Variants in LYZL1 observed in about 807,000 individuals in gnomAD.
LYZL1 encodes lysozyme-like protein 1.
LYZL1 carries 16 observed loss-of-function variants against 17.9 expected under a neutral mutation model. The observed-to-expected ratio is 0.90, with a 90% CI of 0.61 to 1.36. LYZL1 has a LOEUF of 1.36. Ranked by LOEUF, LYZL1 falls within the 40% of genes most tolerant of loss-of-function variation. The pLI is 0.00. For missense variants in LYZL1, 149 were observed against 188.4 expected (o/e 0.79, Z 1.22); for synonymous variants, 58 against 71.8 (o/e 0.81, Z 0.97).
chr10:29,297,291 A>G (rs2132820692), intron 3 of LYZL1, among the ~76,000 whole-genome samples: 1 of 152,296 alleles, frequency 6.6e-6, no homozygotes, highest in South Asian at 2.1e-4. Context: ...ATATAAAAAT[A>G]CTTTTTAGCA....
downstream of LYZL1, chr10:29,311,332 T>C (rs976907556): frequency 4.0e-6 from 4 of 993,162 alleles, no homozygotes; most frequent in Non-Finnish European, 5.3e-6. Context: ...CCCTTCTTCA[T>C]TGTAGGGAGT....
chr10:29,318,208 C>G, exon 5 of LYZL1: 1 of 984,924 alleles, frequency 1.0e-6, no homozygotes, highest in Non-Finnish European at 1.2e-6. Flanking sequence ...AGCTAGATTT[C>G]CCTGCCTGCT....
chr10:29,310,111 C>A lies in LYZL1; in HGVS notation c.300C>A (p.Ala100=). 1 of 1,609,678 alleles carries A rather than the reference C, an allele frequency of 6.2e-7. No individual in the cohort carries two copies. ...ENNHCHVACS[A]LITDDLTDAI... ...CCTGATGTCTTCTCTCTTTTACAGC[C>A]TTGATCACTGATGACCTCACAGATG... The change falls in exon 4 of 5, where the codon GCC becomes GCA. Residue 100 remains alanine, a splice_region_variant and synonymous_variant. Transcript: ENST00000649382.
At chr10:29,299,988 A>G (rs1302432586) in intron 3 of LYZL1, among the ~76,000 whole-genome samples, 2 of 152,218 alleles carry the variant, frequency 1.3e-5, no homozygotes, top group Non-Finnish European at 2.9e-5. Context: ...TTTTGATTGC[A>G]ACTACTCAAC....
chr10:29,301,660 G>A (rs1486234434), intron 3 of LYZL1, among the ~76,000 whole-genome samples: 3 of 152,034 alleles, frequency 2.0e-5, no homozygotes, highest in Non-Finnish European at 2.9e-5. Context: ...TGTGATATTT[G>A]TGTTTATCTT....
At chr10:29,302,978 C>T (rs1835541810) in intron 3 of LYZL1, among the ~76,000 whole-genome samples, 1 of 152,180 alleles carries the variant, frequency 6.6e-6, no homozygotes, top group Admixed American at 6.5e-5. Flanking sequence ...CAAGGCATAA[C>T]TAAGCATCCA....
intron 3 of LYZL1, among the ~76,000 whole-genome samples, chr10:29,306,385 C>G (rs536382327): frequency 6.8e-6 from 1 of 147,242 alleles, no homozygotes; most frequent in Non-Finnish European, 1.5e-5. Flanking sequence ...CCCGCCTCTA[C>G]TAAAAATACA....
At chr10:29,302,385 C>A (rs904394708) in intron 3 of LYZL1, among the ~76,000 whole-genome samples, 3 of 151,736 alleles carry the variant, frequency 2.0e-5, no homozygotes, top group Non-Finnish European at 4.4e-5. Flanking sequence ...TCAGGGCAGG[C>A]TGCTCGTAAG....
intron 2 of LYZL1, among the ~76,000 whole-genome samples, 199 bp from the exon 3 acceptor site, chr10:29,292,320 G>C (rs1835379941): frequency 6.6e-6 from 1 of 151,656 alleles, no homozygotes. Context: ...CCCCTGACTG[G>C]GTGTACAGCT....
downstream of LYZL1, among the ~76,000 whole-genome samples, chr10:29,314,473 G>A (rs994862060): frequency 1.3e-5 from 2 of 152,150 alleles, no homozygotes; most frequent in South Asian, 2.1e-4. Flanking sequence ...GATTAGCTGC[G>A]TGTGGTGGTG....
At chr10:29,305,592 T>C (rs1293767131) in intron 3 of LYZL1, among the ~76,000 whole-genome samples, 2 of 152,238 alleles carry the variant, frequency 1.3e-5, no homozygotes, top group African/African-American at 2.4e-5. Flanking sequence ...GCTATTATTA[T>C]CTGAAATATT....
chr10:29,302,445 T>G (rs961759148), intron 3 of LYZL1, among the ~76,000 whole-genome samples: 4 of 152,186 alleles, frequency 2.6e-5, no homozygotes, highest in Admixed American at 6.5e-5. Context: ...AATGGAGTCT[T>G]CCATGATTAT....
intron 3 of LYZL1, among the ~76,000 whole-genome samples, chr10:29,305,717 C>T (rs1188777690): frequency 2.6e-5 from 4 of 152,214 alleles, no homozygotes; most frequent in African/African-American, 4.8e-5. Flanking sequence ...ATTGCTATCT[C>T]TTACTGATGA....
At chr10:29,305,074 T>C (rs1177077455) in intron 3 of LYZL1, among the ~76,000 whole-genome samples, 1 of 152,122 alleles carries the variant, frequency 6.6e-6, no homozygotes, top group East Asian at 1.9e-4. Context: ...TGTGATCTGC[T>C]TCCTCCTCAC....
chr10:29,298,428 T>A (rs2132821697), intron 3 of LYZL1, among the ~76,000 whole-genome samples: 1 of 152,242 alleles, frequency 6.6e-6, no homozygotes, highest in African/African-American at 2.4e-5. Flanking sequence ...TGCCTACTCT[T>A]ATTTAAACCC....
At chr10:29,294,132 G>A (rs1835415371) in intron 3 of LYZL1, among the ~76,000 whole-genome samples, 1 of 152,080 alleles carries the variant, frequency 6.6e-6, no homozygotes, top group African/African-American at 2.4e-5. Context: ...CTGTGGGAAG[G>A]TGTGAAGCAT....
chr10:29,294,713 G>A (rs10826595), intron 3 of LYZL1, among the ~76,000 whole-genome samples: 33,335 of 152,050 alleles, frequency 0.22, 3,699 homozygotes, highest in Admixed American at 0.29. Flanking sequence ...AAAATAAACC[G>A]TTTTAACTTC....
At chr10:29,297,138 C>T (rs115058523) in intron 3 of LYZL1, among the ~76,000 whole-genome samples, 2,545 of 138,742 alleles carry the variant, frequency 0.018, 88 homozygotes, top group African/African-American at 0.064. Flanking sequence ...AAATAAAGAA[C>T]CTTTGGAAAT....
At chr10:29,291,297 T>G (rs371170614) in intron 1 of LYZL1, among the ~76,000 whole-genome samples, 6 of 152,196 alleles carry the variant, frequency 3.9e-5, no homozygotes, top group African/African-American at 1.4e-4. Context: ...GAAGATACAT[T>G]TACTATTTGT....
Sources: gnomAD v4.1 joint callset for allele counts (sites outside exome capture counted in the v4.1 genomes callset) on GRCh38, gnomAD v4.1.1 for gene constraint, MANE v1.5 for transcripts, NCBI Gene and HGNC (gene_info 2026-07-23, HGNC 2026-07-21) for gene names.